Variants in SLC1A2 observed in about 807,000 individuals in gnomAD.
The protein encoded by SLC1A2 is excitatory amino acid transporter 2.
A neutral mutation model predicts 48.8 loss-of-function variants in SLC1A2; 15 were observed. The ratio of observed to expected loss-of-function variants is 0.31; its 90% CI spans 0.21 to 0.47. The LOEUF is 0.47. Among genes scored for constraint, SLC1A2 ranks in the 20% least tolerant of loss-of-function variants. The pLI is 0.99. For missense variants in SLC1A2, 502 were observed against 730.5 expected, an observed-to-expected ratio of 0.69 and a Z score of 3.61; for synonymous variants, 279 against 272.6, an observed-to-expected ratio of 1.02 and a Z score of -0.23.
chr11:35,323,138 G>T (rs961770747), intron 1 of SLC1A2: 1 of 262,296 alleles, frequency 3.8e-6, no homozygotes, highest in South Asian at 4.7e-5. Flanking sequence ...TTACTTTCTG[G>T]TCCTGCTGGT....
chr11:35,339,311 A>G (rs1175845263), intron 1 of SLC1A2, among the ~76,000 whole-genome samples: 1 of 152,234 alleles, frequency 6.6e-6, no homozygotes, highest in East Asian at 1.9e-4. Flanking sequence ...TCAAGGAGTC[A>G]GTCAGGACAG....
At chr11:35,349,425 G>A (rs886230308) in intron 1 of SLC1A2, among the ~76,000 whole-genome samples, 1 of 152,174 alleles carries the variant, frequency 6.6e-6, no homozygotes, top group Non-Finnish European at 1.5e-5. Context: ...TCCAGCCAAT[G>A]CCCAGGGCCT....
chr11:35,284,146 T>G (rs1850739253), intron 8 of SLC1A2, among the ~76,000 whole-genome samples: 1 of 148,028 alleles, frequency 6.8e-6, no homozygotes, highest in African/African-American at 2.5e-5. Flanking sequence ...TATAGTATAG[T>G]GGAGGCAGTG....
intron 10 of SLC1A2, 22 bp from the exon 11 acceptor site, chr11:35,260,987 A>T: frequency 6.3e-7 from 1 of 1,598,324 alleles, no homozygotes; most frequent in Admixed American, 1.7e-5. Context: ...TATCATCAAC[A>T]TCCAGCTTAC....
At chr11:35,414,416 G>A (rs1352933825) in intron 1 of SLC1A2, among the ~76,000 whole-genome samples, 3 of 152,260 alleles carry the variant, frequency 2.0e-5, no homozygotes, top group Admixed American at 1.3e-4. Flanking sequence ...CAAATATGTG[G>A]CCCATCTGCC....
chr11:35,293,622 A>G (rs1851078359), intron 6 of SLC1A2, among the ~76,000 whole-genome samples: 1 of 152,164 alleles, frequency 6.6e-6, no homozygotes, highest in Admixed American at 6.5e-5. Context: ...ATTTATGGGA[A>G]GGCTGCTACC....
Position 35,413,708 on chromosome 11 carries a change from A to T in SLC1A2, c.17+5242T>A, listed in dbSNP as rs561822897. ...AGTACCTCATGTCCAGTGCTGGGAA[A>T]AAGGCAAAGCGGGAGGCAGACAGGT... On this transcript the variant is annotated intron_variant, in intron 1 of 10. Coordinates refer to ENST00000278379, the MANE Select transcript of SLC1A2 (RefSeq NM_004171.4). The T allele has an allele frequency of 2.6e-5, 4 of 152,444 alleles. No individual in the cohort carries two copies. The East Asian group carries it at 7.7e-4, about 29-fold the overall frequency. 9.4% of individuals were successfully genotyped at this position (152,444 alleles called of 1,614,324 possible). A position where few individuals can be genotyped will look rare whatever the true frequency, so the allele number is the denominator to read the frequency against.
At chr11:35,412,051 A>G (rs1324555958) in intron 1 of SLC1A2, among the ~76,000 whole-genome samples, 1 of 151,660 alleles carries the variant, frequency 6.6e-6, no homozygotes, top group East Asian at 1.9e-4. Context: ...GCAAAAAAAA[A>G]AAACAAAACA....
intron 4 of SLC1A2, 42 bp from the exon 5 acceptor site, chr11:35,306,284 C>A: frequency 1.3e-6 from 2 of 1,487,436 alleles, no homozygotes; most frequent in South Asian, 1.3e-5. Flanking sequence ...TGAGATTTGG[C>A]CTATAAGGTG....
At chr11:35,411,673 C>T (rs761150053) in intron 1 of SLC1A2, among the ~76,000 whole-genome samples, 1 of 150,980 alleles carries the variant, frequency 6.6e-6, no homozygotes, top group African/African-American at 2.4e-5. Flanking sequence ...CAGCAGTTAG[C>T]TTTCCATGAT....
chr11:35,369,280 T>A (rs1853974590), intron 1 of SLC1A2, among the ~76,000 whole-genome samples: 2 of 152,104 alleles, frequency 1.3e-5, no homozygotes, highest in South Asian at 4.1e-4. Context: ...GTCATGTAAC[T>A]CGAGGTGAGG....
intron 7 of SLC1A2, among the ~76,000 whole-genome samples, chr11:35,288,317 G>T (rs112593206): frequency 0.042 from 6,417 of 152,268 alleles, 446 homozygotes; most frequent in African/African-American, 0.14. Flanking sequence ...TTGGTCTGGG[G>T]TAGGAAGAAG....
At chr11:35,373,529 G>A (rs1854126137) in intron 1 of SLC1A2, among the ~76,000 whole-genome samples, 1 of 152,198 alleles carries the variant, frequency 6.6e-6, no homozygotes, top group Non-Finnish European at 1.5e-5. Flanking sequence ...GGTGAGAGAA[G>A]CAGAAACAAA....
intron 1 of SLC1A2, among the ~76,000 whole-genome samples, chr11:35,388,044 T>C (rs1217021561): frequency 6.6e-6 from 1 of 152,230 alleles, no homozygotes; most frequent in African/African-American, 2.4e-5. Context: ...GGCCTAAGCC[T>C]CATAGTCTTG....
chr11:35,318,350 G>T (rs1851948685), intron 1 of SLC1A2, among the ~76,000 whole-genome samples: 1 of 152,174 alleles, frequency 6.6e-6, no homozygotes, highest in Non-Finnish European at 1.5e-5. Flanking sequence ...CCAGATGTAA[G>T]CTTGGGGATT....
At chr11:35,363,537 T>A (rs1383143045) in intron 1 of SLC1A2, among the ~76,000 whole-genome samples, 1 of 152,092 alleles carries the variant, frequency 6.6e-6, no homozygotes, top group African/African-American at 2.4e-5. Context: ...AGGATACAAG[T>A]TCCCCCAGGG....
chr11:35,375,231 A>G (rs1854186468), intron 1 of SLC1A2, among the ~76,000 whole-genome samples: 1 of 152,260 alleles, frequency 6.6e-6, no homozygotes, highest in Admixed American at 6.5e-5. Flanking sequence ...ACTTATTATT[A>G]CTACGATCAT....
chr11:35,283,106 A>G (rs1850693835), intron 8 of SLC1A2, among the ~76,000 whole-genome samples: 1 of 152,106 alleles, frequency 6.6e-6, no homozygotes. Context: ...GAAAACACAG[A>G]TAGGATGGGT....
intron 1 of SLC1A2, among the ~76,000 whole-genome samples, chr11:35,339,927 T>C (rs1350361879): frequency 6.6e-6 from 1 of 152,208 alleles, no homozygotes; most frequent in Non-Finnish European, 1.5e-5. Context: ...GCTTTTTCAA[T>C]GTTAGGATTA....
Sources: allele counts gnomAD v4.1 joint callset (sites outside exome capture counted in the v4.1 genomes callset), GRCh38; gene constraint gnomAD v4.1.1; transcripts MANE v1.5; gene names NCBI Gene and HGNC (gene_info 2026-07-23, HGNC 2026-07-21).